LGSN: variants seen among roughly 807,000 people sequenced by gnomAD.
The protein encoded by LGSN is lengsin.
In LGSN, 21 loss-of-function variants were observed where a neutral mutation model predicts 19.5. The observed-to-expected ratio is 1.07, with a 90% CI of 0.76 to 1.55. The LOEUF (loss-of-function observed/expected upper bound fraction) is 1.55, where lower values mean the gene tolerates loss of function less well. Among genes scored for constraint, LGSN ranks in the 40% most tolerant of loss-of-function variants. The pLI is 0.00. For synonymous variants in LGSN, 257 were observed against 215.6 expected (o/e 1.19, Z -1.68); for missense variants, 673 against 608.5 (o/e 1.11, Z -1.12).
At chr6:63,517,417 T>G in the LGSN span, among the ~76,000 whole-genome samples, 6 of 152,306 alleles carry the variant, frequency 3.9e-5, no homozygotes, top group African/African-American at 1.2e-4. Flanking sequence ...GTTCTTAGTC[T>G]GAAGGACTCT....
chr6:63,486,738 G>A, the LGSN span, among the ~76,000 whole-genome samples: 2 of 135,918 alleles, frequency 1.5e-5, no homozygotes, highest in South Asian at 4.6e-4. Context: ...CAGCTGCAGT[G>A]CAGTGGTGTG....
the LGSN span, among the ~76,000 whole-genome samples, chr6:63,377,924 A>G: frequency 6.7e-6 from 1 of 150,188 alleles, no homozygotes; most frequent in Non-Finnish European, 1.5e-5. Flanking sequence ...AAAAAAAAAA[A>G]AAAAAAAAAA....
At chr6:63,454,951 C>T in the LGSN span, among the ~76,000 whole-genome samples, 1 of 151,852 alleles carries the variant, frequency 6.6e-6, no homozygotes. Flanking sequence ...TGCCACCACG[C>T]CCGGCTAATT....
At chr6:63,468,913 T>C in the LGSN span, among the ~76,000 whole-genome samples, 1 of 152,110 alleles carries the variant, frequency 6.6e-6, no homozygotes, top group East Asian at 1.9e-4. Context: ...AATGCCTGGC[T>C]AATTTTTGTA....
chr6:63,419,065 C>T, the LGSN span, among the ~76,000 whole-genome samples: 1 of 152,030 alleles, frequency 6.6e-6, no homozygotes, highest in Non-Finnish European at 1.5e-5. Flanking sequence ...GCCATGGTGT[C>T]AGTAGAAGTG....
chr6:63,337,460 A>G, the LGSN span, among the ~76,000 whole-genome samples: 1 of 140,994 alleles, frequency 7.1e-6, no homozygotes, highest in East Asian at 2.2e-4. Flanking sequence ...CTGGGAGACA[A>G]AAGCAAGACT....
At chr6:63,366,278 A>T in the LGSN span, among the ~76,000 whole-genome samples, 1 of 152,220 alleles carries the variant, frequency 6.6e-6, no homozygotes. Context: ...AATCACAAGC[A>T]TTCTTATACA....
the LGSN span, among the ~76,000 whole-genome samples, chr6:63,466,245 G>C: frequency 1.3e-5 from 2 of 152,122 alleles, no homozygotes; most frequent in Non-Finnish European, 2.9e-5. Flanking sequence ...AACCCCTAGA[G>C]AGTTTTTATT....
At chr6:63,302,054 TC>T (rs1351878347) in intron 1 of LGSN, among the ~76,000 whole-genome samples, 2 of 151,956 alleles carry the variant, frequency 1.3e-5, no homozygotes, top group Admixed American at 6.6e-5. Flanking sequence ...CCCTGAAGCA[TC>T]CAAAAAAGAG....
the LGSN span, among the ~76,000 whole-genome samples, chr6:63,350,253 C>A: frequency 1.3e-4 from 20 of 152,252 alleles, no homozygotes; most frequent in Non-Finnish European, 2.9e-5. Context: ...ACCTTGATTT[C>A]TTTCATTCTT....
At chr6:63,497,478 G>T in the LGSN span, among the ~76,000 whole-genome samples, 6 of 152,072 alleles carry the variant, frequency 3.9e-5, no homozygotes, top group African/African-American at 1.5e-4. Context: ...ACTTGAACCC[G>T]CGAGGTGGAG....
Position 63,277,816 on chromosome 6 carries a change from G to GTAATCCTA in LGSN, c.*2204_*2205insTAGGATTA, listed in dbSNP as rs1322227374. ...GTTCTAAAGTGTGGTAGGGCATGGTGGCTCATGCCTGTAATCCTAGCACTT... is the reference window on the plus strand; with the variant it reads ...GTTCTAAAGTGTGGTAGGGCATGGTGTAATCCTAGCTCATGCCTGTAATCCTAGCACTT... On this transcript the variant is annotated 3_prime_UTR_variant, in exon 4 of 4. Coordinates refer to ENST00000370657, the MANE Select transcript of LGSN (RefSeq NM_016571.3). 6.6e-6 allele frequency: 1 copy of GTAATCCTA among 152,384 alleles called. No homozygotes were observed. Among genetic ancestry groups the GTAATCCTA allele is most frequent in the East Asian group, 1.9e-4 (1 of 5,190 alleles). 9.4% of individuals were successfully genotyped at this position (152,384 alleles called of 1,614,324 possible).
chr6:63,555,775 C>A, the LGSN span, among the ~76,000 whole-genome samples: 1 of 150,412 alleles, frequency 6.6e-6, no homozygotes, highest in Admixed American at 6.7e-5. Flanking sequence ...CTCACTGCAA[C>A]TTCTGCCTCC....
chr6:63,368,030 T>C, the LGSN span, among the ~76,000 whole-genome samples: 1 of 151,414 alleles, frequency 6.6e-6, no homozygotes, highest in Non-Finnish European at 1.5e-5. Flanking sequence ...ACATGGCACA[T>C]GTATACATAT....
the LGSN span, among the ~76,000 whole-genome samples, chr6:63,432,149 G>GAA: frequency 3.7e-5 from 4 of 107,722 alleles, no homozygotes; most frequent in African/African-American, 1.5e-4. Flanking sequence ...AAGAAAGAAA[G>GAA]AAAGAAAGAA....
At chr6:63,362,283 T>C in the LGSN span, among the ~76,000 whole-genome samples, 1 of 152,184 alleles carries the variant, frequency 6.6e-6, no homozygotes, top group East Asian at 1.9e-4. Context: ...AGTCTGCAGC[T>C]CCCAGTGTGA....
At chr6:63,502,267 G>T in the LGSN span, among the ~76,000 whole-genome samples, 6 of 152,160 alleles carry the variant, frequency 3.9e-5, no homozygotes, top group Admixed American at 3.9e-4. Flanking sequence ...GAGAAGTGTT[G>T]TCTCTTCTGA....
At chr6:63,393,903 G>A in the LGSN span, among the ~76,000 whole-genome samples, 2 of 152,144 alleles carry the variant, frequency 1.3e-5, no homozygotes, top group Non-Finnish European at 2.9e-5. Flanking sequence ...TTCCCACGAG[G>A]TTAGGTATTC....
the LGSN span, among the ~76,000 whole-genome samples, chr6:63,386,801 T>C: frequency 6.6e-6 from 1 of 151,974 alleles, no homozygotes; most frequent in Non-Finnish European, 1.5e-5. Context: ...TTTGAAGAGG[T>C]AAATTAATAA....
Sources: allele counts gnomAD v4.1 joint callset (sites outside exome capture counted in the v4.1 genomes callset), GRCh38; gene constraint gnomAD v4.1.1; transcripts MANE v1.5; gene names NCBI Gene and HGNC (gene_info 2026-07-23, HGNC 2026-07-21).